The following MGST3 variants were observed in gnomAD, a reference collection of about 807,000 sequenced individuals.
The protein encoded by MGST3 is glutathione S-transferase 3, mitochondrial.
MGST3 carries 13 observed loss-of-function variants against 15.8 expected under a neutral mutation model. The ratio of observed to expected loss-of-function variants is 0.82; its 90% confidence interval spans 0.54 to 1.31. The LOEUF (loss-of-function observed/expected upper bound fraction) is 1.31, where lower values mean the gene tolerates loss of function less well. MGST3 is among the 50% of genes most tolerant of loss of function. The pLI is 0.00. For missense variants in MGST3, 155 were observed against 192.4 expected (o/e 0.81, Z 1.15); for synonymous variants, 49 against 68.1 (o/e 0.72, Z 1.38).
In MGST3 at chr1:165,644,621, A is replaced by G. The variant is rs558065831; in HGVS notation, c.-7-5220A>G. ...CACTACATTCATTTTTTAATATTTT[A>G]TCTTCAATAATAAGTTAAACTAGAT... On this transcript the variant is annotated intron_variant, in intron 1 of 5. Coordinates refer to ENST00000367889, the MANE Select transcript of MGST3 (RefSeq NM_004528.4). Among the ~76,000 whole-genome samples the G allele has an allele frequency of 1.1e-3, 161 of 152,324 alleles. 2 individuals are homozygous for G. The highest frequency in any genetic ancestry group is 3.8e-3 in the African/African-American group (158 of 41,568).
chr1:165,654,216 A>G, intron 4 of MGST3, 63 bp from the exon 5 acceptor site: 1 of 1,468,666 alleles, frequency 6.8e-7, no homozygotes, highest in East Asian at 2.3e-5. Context: ...AATCAACCCT[A>G]GGTGTTAAAA....
chr1:165,641,967 CAACA>C (rs1648275655), intron 1 of MGST3, among the ~76,000 whole-genome samples: 1 of 152,150 alleles, frequency 6.6e-6, no homozygotes, highest in Non-Finnish European at 1.5e-5. Flanking sequence ...TTAAGACTGC[CAACA>C]AACAGTTAAC....
At chr1:165,644,053 TAAAA>T (rs61624530) in intron 1 of MGST3, among the ~76,000 whole-genome samples, 1 of 136,632 alleles carries the variant, frequency 7.3e-6, no homozygotes, top group Admixed American at 7.3e-5. Context: ...GACCCTGTGT[TAAAA>T]AAAAAAAAAA....
At chr1:165,651,165 G>C in intron 3 of MGST3, 78 bp downstream of exon 3, 1 of 1,176,728 alleles carries the variant, frequency 8.5e-7, no homozygotes, top group South Asian at 1.2e-5. Context: ...CCCTTAGTGC[G>C]CTGTATTTGC....
intron 1 of MGST3, chr1:165,632,227 C>G: frequency 6.2e-7 from 1 of 1,612,418 alleles, no homozygotes; most frequent in South Asian, 1.1e-5. Flanking sequence ...AATTCCTTCC[C>G]TGGGGACAGG....
At chr1:165,649,771 T>TC in intron 1 of MGST3, 70 bp from the exon 2 acceptor site, 1 of 1,601,744 alleles carries the variant, frequency 6.2e-7, no homozygotes, top group Non-Finnish European at 8.5e-7. Flanking sequence ...AGCATCTTGC[T>TC]CCCTAAGGCT....
chr1:165,632,043 T>C (rs1571145028), intron 1 of MGST3: 2 of 563,362 alleles, frequency 3.6e-6, no homozygotes, highest in East Asian at 5.7e-5. Flanking sequence ...TGGAAGGCGC[T>C]GGAGACTCCT....
rs1648638011 is a variant in MGST3 at position 165,654,101 on chromosome 1, C to A, written c.250-178C>A. 7 of 641,762 alleles carry A rather than the reference C, an allele frequency of 1.1e-5. No individual in the cohort carries two copies. The South Asian group carries it at 1.2e-4, about 11-fold the overall frequency. The allele number at this position is 641,762 out of a possible 1,614,324, so 39.8% of individuals were successfully genotyped here. On this transcript the variant is annotated intron_variant, in intron 4 of 5. Transcript: ENST00000367889. ...AGCCAAGCCATTCATAGAAGAATCA[C>A]AGATATTTTATTTTCCCGCTGAAAC...
chr1:165,652,044 T>C lies in MGST3; in HGVS notation c.249+9T>C. ...GAGGTGTTTACCACCCGGTAAGTTT[T>C]CCAGGAGGTGTTCATCTATTTGGAT... On this transcript the variant is annotated intron_variant, in intron 4 of 5. Coordinates refer to ENST00000367889, the MANE Select transcript of MGST3 (RefSeq NM_004528.4). 6.2e-7 allele frequency: 1 copy of C among 1,604,136 alleles called. No individual in the cohort carries two copies. Among genetic ancestry groups the C allele is most frequent in the Admixed American group, 1.7e-5 (1 of 60,006 alleles).
chr1:165,638,439 C>T (rs1486581000), intron 1 of MGST3, among the ~76,000 whole-genome samples: 2 of 152,120 alleles, frequency 1.3e-5, no homozygotes, highest in Non-Finnish European at 2.9e-5. Context: ...GCCACTTCCA[C>T]TCCAGCCCGG....
At position 165,649,896 on chromosome 1, in the gene MGST3, G is replaced by A. The variant is rs1282981028; in HGVS notation, c.49G>A (p.Ala17Thr). 6.2e-7 allele frequency: 1 copy of A among 1,614,174 alleles called. No homozygotes were observed. The highest frequency in any genetic ancestry group is 8.5e-7 in the Non-Finnish European group (1 of 1,180,044). The change falls in exon 2 of 6, where the codon GCC becomes ACC. Residue 17 changes from alanine to threonine, a missense_variant. By Grantham distance (58) the Ala-to-Thr change is moderately conservative. Transcript: ENST00000367889. Reference sequence around the variant, plus strand: ...TGGTTTTGTGCTTCTAACTGGTGCTGCCAGCTTTATAATGGTGGCCCACCT... The same window carrying A: ...TGGTTTTGTGCTTCTAACTGGTGCTACCAGCTTTATAATGGTGGCCCACCT... Reference protein sequence around the residue: ...EYGFVLLTGAASFIMVAHLAI... With the variant: ...EYGFVLLTGATSFIMVAHLAI...
intron 1 of MGST3, among the ~76,000 whole-genome samples, chr1:165,634,292 G>A (rs1458856952): frequency 1.3e-5 from 2 of 152,072 alleles, no homozygotes; most frequent in Non-Finnish European, 2.9e-5. Context: ...CTCTGTGATC[G>A]CTGTGTGACC....
Position 165,651,103 on chromosome 1 carries a change from G to C in MGST3, c.191+16G>C. 1 of 1,613,362 alleles carries C rather than the reference G, an allele frequency of 6.2e-7. No homozygotes were observed. The highest frequency in any genetic ancestry group is 8.5e-7 in the Non-Finnish European group (1 of 1,179,314). On this transcript the variant is annotated intron_variant, in intron 3 of 5. Coordinates refer to ENST00000367889, the MANE Select transcript of MGST3 (RefSeq NM_004528.4). ...ACCAGAACACGTGAGTGTCGGCCCT[G>C]CCGGGCACCAAAGACATCTGCAGAG...
At chr1:165,644,911 A>C (rs1348243210) in intron 1 of MGST3, among the ~76,000 whole-genome samples, 1 of 151,816 alleles carries the variant, frequency 6.6e-6, no homozygotes, top group Non-Finnish European at 1.5e-5. Context: ...GGCACTCATC[A>C]CCTCGCCCAG....
chr1:165,633,765 A>AT (rs35843675), intron 1 of MGST3, among the ~76,000 whole-genome samples: 24 of 148,776 alleles, frequency 1.6e-4, no homozygotes, highest in South Asian at 4.2e-4. Flanking sequence ...CTCATTCGAG[A>AT]TTTTTTTTTT....
At chr1:165,637,828 G>A (rs956617076) in intron 1 of MGST3, among the ~76,000 whole-genome samples, 33 of 152,166 alleles carry the variant, frequency 2.2e-4, no homozygotes, top group African/African-American at 7.7e-4. Context: ...CTCATCTTAA[G>A]CCCAAGTCTG....
intron 5 of MGST3, among the ~76,000 whole-genome samples, chr1:165,654,708 T>C (rs930737513): frequency 1.3e-5 from 2 of 152,126 alleles, no homozygotes; most frequent in Non-Finnish European, 2.9e-5. Context: ...AATAAAATCT[T>C]ATGCTACTAT....
chr1:165,638,137 T>C (rs1648164659), intron 1 of MGST3, among the ~76,000 whole-genome samples: 1 of 152,164 alleles, frequency 6.6e-6, no homozygotes, highest in African/African-American at 2.4e-5. Flanking sequence ...TGGCAAGTAA[T>C]ACACTGATAA....
At chr1:165,648,111 T>A (rs1648456530) in intron 1 of MGST3, among the ~76,000 whole-genome samples, 1 of 152,260 alleles carries the variant, frequency 6.6e-6, no homozygotes, top group Non-Finnish European at 1.5e-5. Context: ...CTCCTCATGC[T>A]GACTTTCTAC....
Sources: gnomAD v4.1 joint callset for allele counts (sites outside exome capture counted in the v4.1 genomes callset) on GRCh38, gnomAD v4.1.1 for gene constraint, MANE v1.5 for transcripts, NCBI Gene and HGNC (gene_info 2026-07-23, HGNC 2026-07-21) for gene names.